ARFGEF2: variants seen among roughly 807,000 people sequenced by gnomAD.
ARFGEF2 encodes the protein ARF guanine nucleotide exchange factor 2, also known as brefeldin A-inhibited guanine nucleotide-exchange protein 2.
In ARFGEF2, 74 loss-of-function variants were observed where a neutral mutation model predicts 219.9. That is an observed-to-expected ratio of 0.34 (90% CI 0.28 to 0.41). ARFGEF2 has a LOEUF of 0.41. Among genes scored for constraint, ARFGEF2 ranks in the 10% least tolerant of loss-of-function variants. ARFGEF2 has a pLI of 1.00. For missense variants in ARFGEF2, 1,743 were observed against 2,218.3 expected (o/e 0.79, Z 4.30); for synonymous variants, 733 against 799.2 (o/e 0.92, Z 1.40).
At chr20:48,934,530 G>T (rs1362326243) in intron 1 of ARFGEF2, among the ~76,000 whole-genome samples, 1 of 152,092 alleles carries the variant, frequency 6.6e-6, no homozygotes, top group East Asian at 1.9e-4. Flanking sequence ...ACAGGCCCTG[G>T]TGTGTGATGT....
At chr20:49,009,034 G>A (rs1032307219) in intron 26 of ARFGEF2, among the ~76,000 whole-genome samples, 2 of 152,014 alleles carry the variant, frequency 1.3e-5, no homozygotes, top group African/African-American at 4.8e-5. Context: ...TACTTTTTCT[G>A]TATTTTCCAA....
intron 25 of ARFGEF2, among the ~76,000 whole-genome samples, chr20:49,003,271 A>G (rs576676762): frequency 1.3e-5 from 2 of 151,368 alleles, no homozygotes; most frequent in African/African-American, 4.8e-5. Context: ...CCCAGCCCCA[A>G]TTTTTCATTA....
chr20:48,921,999 A>G lies in ARFGEF2; in HGVS notation c.110A>G (p.Gln37Arg), dbSNP rs1253309694. 6.3e-7 allele frequency: 1 copy of G among 1,579,432 alleles called. No individual in the cohort carries two copies. Residue 37 changes from glutamine to arginine, a missense_variant, in exon 1 of 39, where the codon CAG (glutamine) becomes CGG (arginine). This residue lies in a region of ARFGEF2 where 394 missense variants were observed against 426.6 expected (regional missense o/e 0.92). Transcript: ENST00000371917. ...CACTCCCAGCTGCGCAGGGCCTGCC[A>G]GGTGGCGCTCGGTGGGTGAGCCGCT... ...PQHSQLRRACQVALDEIKAEI... is the reference protein window; with the variant it reads ...PQHSQLRRACRVALDEIKAEI...
At chr20:48,923,570 A>G (rs1239522823) in intron 1 of ARFGEF2, among the ~76,000 whole-genome samples, 1 of 152,232 alleles carries the variant, frequency 6.6e-6, no homozygotes, top group African/African-American at 2.4e-5. Flanking sequence ...TTCTCTTCCA[A>G]TAACCAAGGC....
chr20:48,959,734 C>T lies in ARFGEF2; in HGVS notation c.839-4096C>T, dbSNP rs947238862. On this transcript the variant is annotated intron_variant, in intron 6 of 38. Transcript: ENST00000371917. ...AAGTGATCCTCCTGACTCAGCCTCC[C>T]GAGGAGCTGGGACTACAGGTGTGCC... 6.0e-5 allele frequency among the ~76,000 whole-genome samples: 9 copies of T among 150,652 alleles called. No individual in the cohort carries two copies. The South Asian group carries it at 6.3e-4, about 11-fold the overall frequency.
At position 48,989,542 on chromosome 20, in the gene ARFGEF2, TC is replaced by T. The variant is rs775324453; in HGVS notation, c.2686-12del. The T allele has an allele frequency of 2.5e-6, 4 of 1,614,110 alleles. No homozygotes were observed. In the East Asian group the frequency reaches 8.9e-5, roughly 36 times the overall value. On this transcript the variant is annotated splice_polypyrimidine_tract_variant and intron_variant, in intron 19 of 38. Coordinates refer to ENST00000371917, the MANE Select transcript of ARFGEF2 (RefSeq NM_006420.3). ...AAAACTCTGGATGTTATTGAAATCT[TC>T]CTTCCATGATAGCTGGTGTGGACGC...
chr20:48,942,043 C>T, intron 3 of ARFGEF2, 56 bp downstream of exon 3: 1 of 1,609,794 alleles, frequency 6.2e-7, no homozygotes, highest in Non-Finnish European at 8.5e-7. Flanking sequence ...CACAGTTGGT[C>T]CTTACACAGA....
At chr20:48,936,816 C>G (rs1403710478) in intron 1 of ARFGEF2, among the ~76,000 whole-genome samples, 2 of 151,960 alleles carry the variant, frequency 1.3e-5, no homozygotes, top group Non-Finnish European at 2.9e-5. Flanking sequence ...CATGAGCCAC[C>G]ACATCGGGCC....
intron 21 of ARFGEF2, among the ~76,000 whole-genome samples, chr20:48,992,540 G>A (rs1204120050): frequency 1.3e-5 from 2 of 152,158 alleles, no homozygotes; most frequent in African/African-American, 4.8e-5. Flanking sequence ...GGATGGCACA[G>A]GCAGGTTACT....
At chr20:49,030,594 T>C (rs191536070) in intron 37 of ARFGEF2, among the ~76,000 whole-genome samples, 122 of 152,182 alleles carry the variant, frequency 8.0e-4, no homozygotes, top group African/African-American at 2.8e-3. Flanking sequence ...ACAATGAGAA[T>C]AACAAGTCAT....
chr20:48,921,769 T>TGACGG lies in ARFGEF2; in HGVS notation c.-119_-115dup. ...GCCGTGGGGCCGAGGTGTCGCTTCC[T>TGACGG]GACGGGGCGGCGCGGACGGACGCGG... On this transcript the variant is annotated 5_prime_UTR_variant, in exon 1 of 39. Coordinates refer to ENST00000371917, the MANE Select transcript of ARFGEF2 (RefSeq NM_006420.3). 9.3e-7 allele frequency: 1 copy of TGACGG among 1,079,762 alleles called. No homozygotes were observed. The highest frequency in any genetic ancestry group is 3.7e-4 in the Middle Eastern group (1 of 2,736). The allele number at this position is 1,079,762 out of a possible 1,614,324, so 66.9% of individuals were successfully genotyped here. A position where few individuals can be genotyped will look rare whatever the true frequency, so the allele number is the denominator to read the frequency against.
chr20:48,985,974 T>A (rs1179620814), intron 16 of ARFGEF2, among the ~76,000 whole-genome samples: 1 of 152,182 alleles, frequency 6.6e-6, no homozygotes, highest in Admixed American at 6.5e-5. Context: ...ATGGGGTAGA[T>A]CTCAAGGATT....
intron 26 of ARFGEF2, 114 bp downstream of exon 26, chr20:49,005,335 A>G (rs1431884018): frequency 1.7e-6 from 2 of 1,210,920 alleles, no homozygotes; most frequent in Non-Finnish European, 2.4e-6. Context: ...GTGGAAACAA[A>G]TAGAATGAAT....
At position 49,036,582 on chromosome 20, in the gene ARFGEF2, TATATA is replaced by T. The variant is rs1227085745; in HGVS notation, c.*3388_*3392del. The T allele has an allele frequency of 1.9e-5, 4 of 206,824 alleles. No individual in the cohort carries two copies. Among genetic ancestry groups the T allele is most frequent in the African/African-American group, 9.1e-5 (4 of 43,832 alleles). The allele number at this position is 206,824 out of a possible 1,614,324, so 12.8% of individuals were successfully genotyped here. A position where few individuals can be genotyped will look rare whatever the true frequency, so the allele number is the denominator to read the frequency against. On this transcript the variant is annotated 3_prime_UTR_variant, in exon 39 of 39. Coordinates refer to ENST00000371917, the MANE Select transcript of ARFGEF2 (RefSeq NM_006420.3). ...AAATTTTTGAAAGAATAAGCAGAAT[TATATA>T]ATATGAAATGCTATGTAAAGTTTTC...
At chr20:49,021,252 A>T (rs1033557655) in intron 34 of ARFGEF2, among the ~76,000 whole-genome samples, 24 of 150,142 alleles carry the variant, frequency 1.6e-4, no homozygotes, top group South Asian at 1.5e-3. Flanking sequence ...GAAAAAAAAA[A>T]TTTTTTTTTT....
At chr20:48,933,764 G>A (rs1167510855) in intron 1 of ARFGEF2, among the ~76,000 whole-genome samples, 4 of 151,942 alleles carry the variant, frequency 2.6e-5, no homozygotes. Context: ...GCCTAGTTAT[G>A]GTCTCTGGAG....
chr20:48,930,076 C>G (rs1568686696), intron 1 of ARFGEF2, among the ~76,000 whole-genome samples: 1 of 152,166 alleles, frequency 6.6e-6, no homozygotes, highest in Non-Finnish European at 1.5e-5. Context: ...CCATTTTGTG[C>G]TGCTTTAACA....
At chr20:48,996,136 A>C (rs758507785) in intron 23 of ARFGEF2, among the ~76,000 whole-genome samples, 12 of 152,178 alleles carry the variant, frequency 7.9e-5, no homozygotes, top group Non-Finnish European at 1.6e-4. Flanking sequence ...CCTTAGTAGA[A>C]ATTATTTTTT....
intron 35 of ARFGEF2, among the ~76,000 whole-genome samples, chr20:49,023,672 G>A (rs536741842): frequency 1.2e-4 from 18 of 151,530 alleles, no homozygotes; most frequent in African/African-American, 4.4e-4. Context: ...CCGAGTAGCT[G>A]GGACTACAGG....
Sources: gnomAD v4.1 joint callset for allele counts (sites outside exome capture counted in the v4.1 genomes callset) on GRCh38, gnomAD v4.1.1 for gene constraint, gnomAD v4.1.1 regional missense constraint, MANE v1.5 for transcripts, NCBI Gene and HGNC (gene_info 2026-07-23, HGNC 2026-07-21) for gene names.